Variants in ZNF846 observed in about 807,000 individuals in gnomAD.
ZNF846 encodes the protein zinc finger protein 420 pseudogene.
Under a neutral mutation model 16.0 loss-of-function variants are expected in ZNF846, and 15 were observed. The ratio of observed to expected loss-of-function variants is 0.94; its 90% CI spans 0.63 to 1.45. The LOEUF is 1.45. Among genes scored for constraint, ZNF846 ranks in the 40% most tolerant of loss-of-function variants. ZNF846 has a pLI of 0.00. For synonymous variants in ZNF846, 229 were observed against 212.0 expected (o/e 1.08, Z -0.70); for missense variants, 714 against 622.3 (o/e 1.15, Z -1.57).
chr19:9,758,816 C>A, intron 5 of ZNF846, 52 bp from the exon 6 acceptor site: 1 of 1,372,872 alleles, frequency 7.3e-7, no homozygotes, highest in Non-Finnish European at 9.8e-7. Flanking sequence ...AGTATGGTAA[C>A]AGAATTTCTC....
intron 3 of ZNF846, 104 bp from the exon 4 acceptor site, chr19:9,762,272 A>C: frequency 1.3e-6 from 1 of 787,910 alleles, no homozygotes; most frequent in Non-Finnish European, 2.2e-6. Context: ...AAAGATGGTC[A>C]AGTGTAACTT....
downstream of ZNF846, among the ~76,000 whole-genome samples, chr19:9,751,822 C>A (rs72489407): frequency 6.6e-6 from 1 of 152,048 alleles, no homozygotes; most frequent in South Asian, 2.1e-4. Flanking sequence ...CTAACTCCAC[C>A]GCCTATCCCA....
chr19:9,767,296 T>G (rs1027812285), intron 1 of ZNF846, among the ~76,000 whole-genome samples: 1 of 151,848 alleles, frequency 6.6e-6, no homozygotes, highest in Non-Finnish European at 1.5e-5. Flanking sequence ...CCACCACACC[T>G]GGCTAATTTT....
intron 4 of ZNF846, among the ~76,000 whole-genome samples, chr19:9,761,814 G>A (rs1038138175): frequency 3.3e-5 from 5 of 152,018 alleles, no homozygotes; most frequent in African/African-American, 1.2e-4. Flanking sequence ...AGCAATATAA[G>A]AAGGTGTTGG....
intron 1 of ZNF846, among the ~76,000 whole-genome samples, chr19:9,775,400 G>T (rs1182575917): frequency 2.0e-5 from 3 of 152,032 alleles, no homozygotes; most frequent in African/African-American, 7.3e-5. Context: ...CTGTGGATAG[G>T]AACAGGAACA....
intron 1 of ZNF846, among the ~76,000 whole-genome samples, chr19:9,780,054 TTTTTTG>T (rs1194986001): frequency 4.7e-5 from 7 of 148,658 alleles, no homozygotes; most frequent in African/African-American, 1.8e-4. Context: ...TTTTGTTTTT[TTTTTTG>T]TTTTTTTTTT....
chr19:9,784,196 A>T (rs2045534796), intron 1 of ZNF846, among the ~76,000 whole-genome samples: 1 of 152,180 alleles, frequency 6.6e-6, no homozygotes, highest in Non-Finnish European at 1.5e-5. Flanking sequence ...TCAGCAAGTG[A>T]GGATCTGCAC....
At chr19:9,763,008 G>A (rs1283794908) in intron 3 of ZNF846, among the ~76,000 whole-genome samples, 1 of 152,104 alleles carries the variant, frequency 6.6e-6, no homozygotes, top group Admixed American at 6.6e-5. Flanking sequence ...GATGGCCATG[G>A]TGGTGCACAC....
chr19:9,765,268 G>A (rs150909122), intron 1 of ZNF846, among the ~76,000 whole-genome samples: 66 of 152,258 alleles, frequency 4.3e-4, no homozygotes, highest in African/African-American at 1.2e-3. Flanking sequence ...CTAGCTACTC[G>A]GGAGGCCGAG....
exon 6 of ZNF846, chr19:9,758,413 C>T: frequency 6.2e-7 from 1 of 1,613,058 alleles, no homozygotes. Context: ...TGTTTGTCTC[C>T]ATTGTGAGAT....
intron 1 of ZNF846, among the ~76,000 whole-genome samples, chr19:9,785,215 T>G (rs1255123020): frequency 6.7e-6 from 1 of 148,838 alleles, no homozygotes; most frequent in African/African-American, 2.5e-5. Flanking sequence ...TTTTTTTTTT[T>G]TTTTTTGAGA....
intron 1 of ZNF846, among the ~76,000 whole-genome samples, chr19:9,781,042 T>G (rs2045496360): frequency 6.6e-6 from 1 of 152,254 alleles, no homozygotes. Flanking sequence ...TCTGCATTCA[T>G]ATGCTCTTCT....
downstream of ZNF846, among the ~76,000 whole-genome samples, chr19:9,751,495 G>A (rs548136971): frequency 3.0e-4 from 45 of 152,178 alleles, no homozygotes; most frequent in African/African-American, 1.0e-3. Context: ...AATGTACTTT[G>A]TGATATTCCT....
chr19:9,755,183 C>A (rs1568319095), downstream of ZNF846, among the ~76,000 whole-genome samples: 1 of 151,508 alleles, frequency 6.6e-6, no homozygotes. Flanking sequence ...AACATCCTAA[C>A]ATCCACTGTA....
At chr19:9,757,891 A>G in exon 6 of ZNF846, 7 of 1,613,454 alleles carry the variant, frequency 4.3e-6, no homozygotes, top group Non-Finnish European at 5.1e-6. Flanking sequence ...CATTCTTTAC[A>G]TTCATAGGGC....
chr19:9,751,629 C>T (rs753839523), downstream of ZNF846, among the ~76,000 whole-genome samples: 5 of 152,084 alleles, frequency 3.3e-5, no homozygotes, highest in Non-Finnish European at 4.4e-5. Flanking sequence ...ATACACCCTC[C>T]GCGCCCTTGT....
intron 1 of ZNF846, among the ~76,000 whole-genome samples, chr19:9,777,075 G>T (rs1035855139): frequency 6.6e-6 from 1 of 151,312 alleles, no homozygotes; most frequent in Admixed American, 6.6e-5. Flanking sequence ...TGCTTGTTTG[G>T]ACTATGTTTA....
chr19:9,757,890 CAT>C lies in ZNF846; in HGVS notation c.1185_1186del (p.Cys396Ter). 1 of 1,613,464 alleles carries C rather than the reference CAT, an allele frequency of 6.2e-7. No individual in the cohort carries two copies. The highest frequency in any genetic ancestry group is 1.7e-5 in the Admixed American group (1 of 59,994). ...ATTAAAGGCTTTCCCACATTCTTTA[CAT>C]TCATAGGGCTTTTCTCCAGTATGTG... On this transcript the variant is annotated frameshift_variant, in exon 6 of 6. Transcript: ENST00000397902. LOFTEE classifies it low-confidence loss of function (END_TRUNC).
chr19:9,777,632 C>T (rs1057046730), intron 1 of ZNF846, among the ~76,000 whole-genome samples: 7 of 150,566 alleles, frequency 4.6e-5, no homozygotes, highest in African/African-American at 1.7e-4. Flanking sequence ...GATCGTGCCA[C>T]TGCATTCCAG....
Sources: allele counts gnomAD v4.1 joint callset (sites outside exome capture counted in the v4.1 genomes callset), GRCh38; gene constraint gnomAD v4.1.1; transcripts MANE v1.5; gene names NCBI Gene and HGNC (gene_info 2026-07-23, HGNC 2026-07-21).